The following XIRP2 variants were observed in gnomAD, a reference collection of about 807,000 sequenced individuals.
XIRP2 encodes the protein xin actin binding repeat containing 2.
In XIRP2, 236 loss-of-function variants were observed where a neutral mutation model predicts 277.0. That is an observed-to-expected ratio of 0.85 (90% CI 0.77 to 0.95). XIRP2 has a LOEUF of 0.95. Among genes scored for constraint, XIRP2 ranks in the 40% least tolerant of loss-of-function variants. The pLI is 0.00. For missense variants in XIRP2, 4,640 were observed against 4,157.5 expected (o/e 1.12, Z -3.19); for synonymous variants, 1,490 against 1,416.5 (o/e 1.05, Z -1.17).
chr2:167,026,606 C>A (rs995152007), intron 2 of XIRP2, among the ~76,000 whole-genome samples: 1 of 152,114 alleles, frequency 6.6e-6, no homozygotes, highest in Admixed American at 6.6e-5. Context: ...TTGTTCCTTT[C>A]CATGTTTACT....
chr2:167,027,787 C>T (rs896091410), intron 2 of XIRP2, among the ~76,000 whole-genome samples: 13 of 152,006 alleles, frequency 8.6e-5, no homozygotes, highest in African/African-American at 2.9e-4. Flanking sequence ...ACCCTATAAA[C>T]AGGTAAATCT....
intron 1 of XIRP2, among the ~76,000 whole-genome samples, chr2:166,891,604 T>TA (rs911931199): frequency 1.3e-4 from 20 of 152,006 alleles, no homozygotes; most frequent in African/African-American, 4.8e-4. Flanking sequence ...CAAAACTAAT[T>TA]AAAATTTCCC....
chr2:167,105,862 G>A (rs901841484), intron 2 of XIRP2, among the ~76,000 whole-genome samples: 9 of 151,622 alleles, frequency 5.9e-5, no homozygotes, highest in African/African-American at 4.8e-5. Context: ...TAAGTGTATT[G>A]TAATATCTGA....
intron 2 of XIRP2, among the ~76,000 whole-genome samples, chr2:167,007,264 A>G (rs1687527207): frequency 6.6e-6 from 1 of 151,704 alleles, no homozygotes; most frequent in African/African-American, 2.4e-5. Flanking sequence ...GTCACCAATG[A>G]TGGGATATCA....
intron 2 of XIRP2, among the ~76,000 whole-genome samples, chr2:167,005,789 T>TA (rs5836128): frequency 0.059 from 8,722 of 147,274 alleles, 252 homozygotes; most frequent in East Asian, 0.065. Flanking sequence ...TCTTTATTGA[T>TA]AAAAAAAAAA....
chr2:167,112,155 G>C (rs898264797), intron 2 of XIRP2, among the ~76,000 whole-genome samples: 2 of 151,838 alleles, frequency 1.3e-5, no homozygotes, highest in African/African-American at 4.8e-5. Flanking sequence ...TTGTGTCTCA[G>C]TTTCATTCAT....
At chr2:167,177,400 T>A (rs1416090097) in intron 3 of XIRP2, among the ~76,000 whole-genome samples, 2 of 152,212 alleles carry the variant, frequency 1.3e-5, no homozygotes, top group Non-Finnish European at 2.9e-5. Context: ...CTGTTGCAAT[T>A]TCCTGCATCC....
chr2:167,026,240 G>A (rs1002634414), intron 2 of XIRP2, among the ~76,000 whole-genome samples: 4 of 152,052 alleles, frequency 2.6e-5, no homozygotes, highest in Non-Finnish European at 4.4e-5. Context: ...GAGCTTTGTT[G>A]GTTTGAAGTC....
chr2:166,988,524 A>G (rs985929667), intron 2 of XIRP2, among the ~76,000 whole-genome samples: 4 of 148,086 alleles, frequency 2.7e-5, no homozygotes, highest in African/African-American at 1.0e-4. Flanking sequence ...CGCAGAAGAC[A>G]GGTGATTTCT....
intron 2 of XIRP2, among the ~76,000 whole-genome samples, chr2:167,014,620 T>TG (rs1558948081): frequency 2.6e-5 from 4 of 151,568 alleles, no homozygotes; most frequent in African/African-American, 4.8e-5. Flanking sequence ...CATCAGATAG[T>TG]GAAAAAAAAG....
At chr2:166,977,208 A>G (rs1686738241) in intron 2 of XIRP2, among the ~76,000 whole-genome samples, 1 of 152,100 alleles carries the variant, frequency 6.6e-6, no homozygotes, top group Non-Finnish European at 1.5e-5. Flanking sequence ...TGCATGTGCA[A>G]GCATTTGTCT....
chr2:167,056,820 A>G (rs917337703), intron 2 of XIRP2, among the ~76,000 whole-genome samples: 2 of 152,178 alleles, frequency 1.3e-5, no homozygotes, highest in African/African-American at 4.8e-5. Flanking sequence ...CTCCATATCC[A>G]TATCTTCCCT....
At chr2:167,029,353 G>A (rs1688262080) in intron 2 of XIRP2, among the ~76,000 whole-genome samples, 1 of 152,052 alleles carries the variant, frequency 6.6e-6, no homozygotes, top group Non-Finnish European at 1.5e-5. Flanking sequence ...GTCATAAATA[G>A]CTCTTATTAT....
chr2:166,901,955 G>A (rs1371977735), intron 1 of XIRP2, among the ~76,000 whole-genome samples: 2 of 152,056 alleles, frequency 1.3e-5, no homozygotes, highest in African/African-American at 4.8e-5. Flanking sequence ...TTGAAATGAT[G>A]TTTTAGCCAG....
chr2:167,085,744 T>A (rs1689921206), intron 2 of XIRP2, among the ~76,000 whole-genome samples: 1 of 151,982 alleles, frequency 6.6e-6, no homozygotes, highest in Non-Finnish European at 1.5e-5. Context: ...AAGTCTGTTT[T>A]ATCAGAGACT....
chr2:167,193,771 G>A (rs7604068), intron 3 of XIRP2, among the ~76,000 whole-genome samples: 5,905 of 151,364 alleles, frequency 0.039, 127 homozygotes, highest in Non-Finnish European at 0.051. Context: ...CCAGCTACTC[G>A]GGTGGCTGAG....
chr2:167,157,209 G>A (rs1286443447), intron 3 of XIRP2, among the ~76,000 whole-genome samples: 1 of 152,136 alleles, frequency 6.6e-6, no homozygotes, highest in Non-Finnish European at 1.5e-5. Flanking sequence ...TGTCATGAGA[G>A]AGCTCAGTGT....
chr2:167,218,368 G>A (rs1055400924), intron 5 of XIRP2, 68 bp downstream of exon 5: 26 of 1,304,378 alleles, frequency 2.0e-5, no homozygotes, highest in Non-Finnish European at 2.6e-5. Context: ...TGCCAATGTA[G>A]AAATCTCCTT....
chr2:167,159,642 A>G (rs1036291604), intron 3 of XIRP2, among the ~76,000 whole-genome samples: 6 of 152,112 alleles, frequency 3.9e-5, no homozygotes, highest in African/African-American at 1.4e-4. Flanking sequence ...TGTTGGGAAA[A>G]ATATTTAACA....
Sources: allele counts gnomAD v4.1 joint callset (sites outside exome capture counted in the v4.1 genomes callset), GRCh38; gene constraint gnomAD v4.1.1; transcripts MANE v1.5; gene names NCBI Gene and HGNC (gene_info 2026-07-23, HGNC 2026-07-21).